LMO7: variants seen among roughly 807,000 people sequenced by gnomAD.
LMO7 encodes the protein LIM domain only protein 7.
In LMO7, 120 loss-of-function variants were observed where a neutral mutation model predicts 206.5. The ratio of observed to expected loss-of-function variants is 0.58; its 90% CI spans 0.50 to 0.68. The LOEUF is 0.68. LMO7 is among the 30% of genes least tolerant of loss of function. The pLI is 0.00. For missense variants in LMO7, 1,959 were observed against 1,957.9 expected, an observed-to-expected ratio of 1.00 and a Z score of -0.01; for synonymous variants, 706 against 681.5, an observed-to-expected ratio of 1.04 and a Z score of -0.56.
intron 4 of LMO7, among the ~76,000 whole-genome samples, chr13:75,766,909 G>A (rs570303209): frequency 1.8e-4 from 28 of 152,194 alleles, no homozygotes; most frequent in African/African-American, 6.5e-4. Context: ...GGAAAAACCT[G>A]TCTTAATCTT....
At chr13:75,847,340 G>A (rs1385666388) in intron 26 of LMO7, among the ~76,000 whole-genome samples, 1 of 152,206 alleles carries the variant, frequency 6.6e-6, no homozygotes, top group Non-Finnish European at 1.5e-5. Context: ...GAGTCCTCAC[G>A]ATAAAACCTG....
chr13:75,831,090 C>T (rs2058622976), intron 15 of LMO7, among the ~76,000 whole-genome samples: 1 of 151,948 alleles, frequency 6.6e-6, no homozygotes, highest in Non-Finnish European at 1.5e-5. Flanking sequence ...GGAGTAGAAC[C>T]TACCAGTAGT....
intron 1 of LMO7, among the ~76,000 whole-genome samples, chr13:75,689,440 C>G (rs546332633): frequency 6.6e-6 from 1 of 152,120 alleles, no homozygotes; most frequent in Admixed American, 6.5e-5. Flanking sequence ...GTAGAGCATA[C>G]TGTGATGGTT....
At position 75,760,517 on chromosome 13, in the gene LMO7, G is replaced by A. The variant is rs1043646086; in HGVS notation, c.211-415G>A. The A allele has an allele frequency of 1.2e-5, 15 of 1,278,900 alleles. No homozygotes were observed. In the African/African-American group the frequency reaches 1.8e-4, roughly 16 times the overall value. The allele number at this position is 1,278,900 out of a possible 1,614,324, so 79.2% of individuals were successfully genotyped here. On this transcript the variant is annotated intron_variant, in intron 3 of 30. Transcript: ENST00000377534. ...TTTCTTCCCTGCCAACAGTTTCTGG[G>A]TGGGTGAATGTCAGTAGCTGGAGTT...
chr13:75,711,930 T>C (rs949580505), intron 1 of LMO7, among the ~76,000 whole-genome samples: 10 of 152,236 alleles, frequency 6.6e-5, no homozygotes, highest in Admixed American at 3.9e-4. Flanking sequence ...TAATGGCAAG[T>C]ATAGGAAGGA....
chr13:75,636,131 G>A, upstream of LMO7: 1 of 216,856 alleles, frequency 4.6e-6, no homozygotes, highest in Non-Finnish European at 7.8e-6. Context: ...AGCGGGGCCC[G>A]GGCCGCGGCC....
intron 3 of LMO7, among the ~76,000 whole-genome samples, chr13:75,738,564 A>G (rs764731153): frequency 2.6e-5 from 4 of 152,068 alleles, no homozygotes; most frequent in Non-Finnish European, 4.4e-5. Context: ...CATGTTCTCT[A>G]TCTCTTCTTT....
chr13:75,646,091 C>T (rs147010407), intron 1 of LMO7, among the ~76,000 whole-genome samples: 424 of 152,194 alleles, frequency 2.8e-3, no homozygotes, highest in Non-Finnish European at 5.0e-3. Context: ...CCTTCCTAAT[C>T]ATCTCCTCAT....
At chr13:75,783,321 G>A (rs752052636) in intron 4 of LMO7, among the ~76,000 whole-genome samples, 4 of 152,128 alleles carry the variant, frequency 2.6e-5, no homozygotes, top group Non-Finnish European at 5.9e-5. Context: ...ATGAAGATCT[G>A]ATATGTTCCT....
intron 3 of LMO7, among the ~76,000 whole-genome samples, chr13:75,734,473 T>G (rs1038526379): frequency 1.2e-4 from 18 of 152,326 alleles, no homozygotes; most frequent in African/African-American, 4.3e-4. Flanking sequence ...CTGTTTATAG[T>G]GCATTCAGGA....
At chr13:75,813,388 A>G (rs1156532143) in intron 11 of LMO7, among the ~76,000 whole-genome samples, 5 of 152,222 alleles carry the variant, frequency 3.3e-5, no homozygotes, top group Non-Finnish European at 5.9e-5. Context: ...TCCAGTTCTC[A>G]TAACAATCCC....
chr13:75,850,383 T>A (rs1017164088), intron 27 of LMO7, among the ~76,000 whole-genome samples: 1 of 152,254 alleles, frequency 6.6e-6, no homozygotes, highest in African/African-American at 2.4e-5. Flanking sequence ...GCAATGTAGT[T>A]TCTAGCACTC....
chr13:75,660,910 A>G (rs1222191677), intron 1 of LMO7, among the ~76,000 whole-genome samples: 1 of 152,150 alleles, frequency 6.6e-6, no homozygotes, highest in African/African-American at 2.4e-5. Context: ...TTGACTGATA[A>G]CAGATACTTT....
At chr13:75,676,253 G>T (rs967172769) in intron 1 of LMO7, among the ~76,000 whole-genome samples, 7 of 152,226 alleles carry the variant, frequency 4.6e-5, no homozygotes, top group African/African-American at 1.7e-4. Context: ...AATTATTTAA[G>T]TATGTGCCTC....
intron 13 of LMO7, among the ~76,000 whole-genome samples, chr13:75,820,780 G>C (rs1283919555): frequency 2.0e-5 from 3 of 152,080 alleles, no homozygotes; most frequent in African/African-American, 7.2e-5. Context: ...AGATCACAAG[G>C]TCAGGAGTTC....
Position 75,821,213 on chromosome 13 carries a change from A to G in LMO7, c.2244A>G (p.Arg748=), listed in dbSNP as rs1374433927. ...SQNQKSTVPS[R]RRMYSFDDVL... is the part of the protein sequence containing the mutation. ...ATCAAAAGTCTACAGTTCCGTCAAG[A>G]AGGAGAATGTATTCTTTTGATGATG... The change falls in exon 14 of 31, where the codon AGA becomes AGG. Residue 748 remains arginine, a synonymous_variant. Coordinates refer to ENST00000377534, the MANE Select transcript of LMO7 (RefSeq NM_001306080.2). 7 of 1,611,372 alleles carry G rather than the reference A, an allele frequency of 4.3e-6. No individual in the cohort carries two copies. Among genetic ancestry groups the G allele is most frequent in the Non-Finnish European group, 5.9e-6 (7 of 1,179,230 alleles).
chr13:75,795,098 T>C (rs999628684), intron 4 of LMO7, among the ~76,000 whole-genome samples: 6 of 152,068 alleles, frequency 3.9e-5, no homozygotes, highest in African/African-American at 1.4e-4. Flanking sequence ...AAAATGCACA[T>C]AATGTATTTA....
At chr13:75,681,718 G>GTATATGTATATA (rs1555293392) in intron 1 of LMO7, among the ~76,000 whole-genome samples, 4 of 104,562 alleles carry the variant, frequency 3.8e-5, no homozygotes, top group South Asian at 3.4e-4. Flanking sequence ...ATATATATAT[G>GTATATGTATATA]TATATATATA....
chr13:75,713,171 CTA>C lies in LMO7; in HGVS notation c.70-9_70-8del, dbSNP rs2043259610. 4 of 1,607,462 alleles carry C rather than the reference CTA, an allele frequency of 2.5e-6. No homozygotes were observed. ...CTTAAGAGAAAATTAACAACCAAAC[CTA>C]TCTTTCAGGCAGTAACAGAGAAGAA... On this transcript the variant is annotated splice_polypyrimidine_tract_variant and intron_variant, in intron 1 of 30. Transcript: ENST00000377534.
Sources: gnomAD v4.1 joint callset for allele counts (sites outside exome capture counted in the v4.1 genomes callset) on GRCh38, gnomAD v4.1.1 for gene constraint, MANE v1.5 for transcripts, NCBI Gene and HGNC (gene_info 2026-07-23, HGNC 2026-07-21) for gene names.